Variants in ANKFN1 observed in about 807,000 individuals in gnomAD.
ANKFN1 encodes ankyrin repeat and fibronectin type-III domain-containing protein 1.
In ANKFN1, 74 loss-of-function variants were observed where a neutral mutation model predicts 108.7. The ratio of observed to expected loss-of-function variants is 0.68; its 90% CI spans 0.56 to 0.83. ANKFN1 has a LOEUF of 0.83. Ranked by LOEUF, ANKFN1 falls within the 40% of genes least tolerant of loss-of-function variation. ANKFN1 has a pLI of 0.00. For missense variants in ANKFN1, 1,505 were observed against 1,382.3 expected (o/e 1.09, Z -1.41); for synonymous variants, 547 against 516.2 (o/e 1.06, Z -0.81).
At chr17:56,147,238 C>A (rs111698280) in intron 4 of ANKFN1, among the ~76,000 whole-genome samples, 67 of 152,314 alleles carry the variant, frequency 4.4e-4, no homozygotes, top group African/African-American at 1.5e-3. Flanking sequence ...CTGTCTTCTT[C>A]TGAGCCTTCC....
intron 15 of ANKFN1, among the ~76,000 whole-genome samples, chr17:56,467,101 G>A (rs1326881831): frequency 3.9e-5 from 6 of 152,134 alleles, no homozygotes; most frequent in African/African-American, 1.2e-4. Context: ...GGACAACAGA[G>A]TAAGACTCTG....
At chr17:56,215,170 C>A (rs930170346) in intron 2 of ANKFN1, among the ~76,000 whole-genome samples, 6 of 152,198 alleles carry the variant, frequency 3.9e-5, no homozygotes, top group African/African-American at 1.4e-4. Context: ...TACAAGGAAG[C>A]TGTGTACTTT....
At chr17:56,381,402 G>A (rs1196751494) in intron 8 of ANKFN1, among the ~76,000 whole-genome samples, 1 of 152,194 alleles carries the variant, frequency 6.6e-6, no homozygotes, top group Non-Finnish European at 1.5e-5. Context: ...AAAGAACGCA[G>A]TTCCTCACCA....
In ANKFN1 at chr17:56,212,804, C is replaced by T. The variant is rs184804688; in HGVS notation, c.12+125C>T. Among the ~76,000 whole-genome samples the T allele has an allele frequency of 2.4e-3, 359 of 152,286 alleles. 3 individuals are homozygous for T. Among genetic ancestry groups the T allele is most frequent in the South Asian group, 6.4e-3 (31 of 4,826 alleles). On this transcript the variant is annotated intron_variant, in intron 2 of 20. Coordinates refer to ENST00000682825, the MANE Select transcript of ANKFN1 (RefSeq NM_001370326.1). ...ACTACACCCAAAGGCGCAAACCACT[C>T]GCTCTAGTTCTTTACCTTGCATGGA...
intron 3 of ANKFN1, among the ~76,000 whole-genome samples, chr17:56,292,920 T>G (rs754565521): frequency 1.3e-5 from 2 of 152,220 alleles, no homozygotes; most frequent in Non-Finnish European, 2.9e-5. Flanking sequence ...TCTTTCCAGC[T>G]GAAATCTAAT....
chr17:56,258,706 C>T (rs1246282121), intron 3 of ANKFN1, among the ~76,000 whole-genome samples: 6 of 152,166 alleles, frequency 3.9e-5, no homozygotes, highest in East Asian at 3.9e-4. Flanking sequence ...GTCAGGAGAT[C>T]GAGACCATCC....
chr17:56,466,191 G>T (rs910996294), intron 14 of ANKFN1, among the ~76,000 whole-genome samples, 165 bp from the exon 15 acceptor site: 17 of 151,392 alleles, frequency 1.1e-4, no homozygotes, highest in African/African-American at 4.1e-4. Context: ...CTTCTGTGAA[G>T]TACATGTCTA....
At chr17:56,280,605 T>G (rs1198509012) in intron 3 of ANKFN1, among the ~76,000 whole-genome samples, 1 of 152,140 alleles carries the variant, frequency 6.6e-6, no homozygotes, top group East Asian at 1.9e-4. Context: ...GACTCTATAA[T>G]TGCATGAGCC....
intron 9 of ANKFN1, 72 bp downstream of exon 9, chr17:56,440,496 T>A: frequency 8.2e-7 from 1 of 1,218,868 alleles, no homozygotes; most frequent in Non-Finnish European, 1.2e-6. Context: ...AGCAAATGTC[T>A]ATTCTGAAAG....
intron 8 of ANKFN1, among the ~76,000 whole-genome samples, chr17:56,401,904 C>T (rs1337939990): frequency 6.6e-6 from 1 of 151,986 alleles, no homozygotes; most frequent in Non-Finnish European, 1.5e-5. Flanking sequence ...AATCATAAAG[C>T]AATGCTGGAT....
intron 20 of ANKFN1, 125 bp downstream of exon 20, chr17:56,499,223 A>G (rs2051293046): frequency 3.5e-6 from 3 of 859,016 alleles, no homozygotes; most frequent in South Asian, 3.5e-5. Flanking sequence ...CTCAGGGGTA[A>G]GAGTCTAACA....
chr17:56,209,645 G>A (rs187245229), intron 1 of ANKFN1, among the ~76,000 whole-genome samples: 2 of 152,198 alleles, frequency 1.3e-5, no homozygotes, highest in African/African-American at 4.8e-5. Context: ...TAAGAAATAA[G>A]CTGTATTGTT....
chr17:56,048,445 C>A (rs1047043483), intron 4 of ANKFN1, among the ~76,000 whole-genome samples: 7 of 152,120 alleles, frequency 4.6e-5, no homozygotes, highest in African/African-American at 1.7e-4. Context: ...CAGATAAACA[C>A]CAATTATCTA....
At chr17:56,450,009 C>G (rs987801789) in intron 11 of ANKFN1, among the ~76,000 whole-genome samples, 1 of 152,158 alleles carries the variant, frequency 6.6e-6, no homozygotes, top group East Asian at 1.9e-4. Flanking sequence ...TGTAACGATT[C>G]GTGGAAGAGG....
At chr17:56,347,005 A>G (rs2046122712) in intron 4 of ANKFN1, among the ~76,000 whole-genome samples, 1 of 151,958 alleles carries the variant, frequency 6.6e-6, no homozygotes, top group Admixed American at 6.6e-5. Flanking sequence ...ATGAAAAGAC[A>G]ATATTAGGAC....
In ANKFN1 at chr17:56,121,445, A is replaced by G. The variant is rs186818410; in HGVS notation, c.288+75120A>G. 2.6e-5 allele frequency among the ~76,000 whole-genome samples: 4 copies of G among 151,922 alleles called. No homozygotes were observed. The East Asian group carries it at 7.7e-4, about 29-fold the overall frequency. ...TGTTTGCCTGTCTTTCATTTCTTAG[A>G]ATTTTACATCTGACAGCTTCTTAAA... On this transcript the variant is annotated intron_variant, in intron 4 of 12. Coordinates refer to the ANKFN1 transcript ENST00000635860.
intron 1 of ANKFN1, among the ~76,000 whole-genome samples, chr17:56,203,568 C>T (rs947854636): frequency 6.6e-6 from 1 of 152,196 alleles, no homozygotes; most frequent in African/African-American, 2.4e-5. Flanking sequence ...CATCTTGAGC[C>T]GGACTGGTTG....
chr17:56,181,990 C>T (rs1314361150), intron 1 of ANKFN1, among the ~76,000 whole-genome samples: 1 of 152,106 alleles, frequency 6.6e-6, no homozygotes, highest in Non-Finnish European at 1.5e-5. Flanking sequence ...TTTGATGTTA[C>T]CATTGTCATT....
intron 3 of ANKFN1, among the ~76,000 whole-genome samples, chr17:56,235,170 T>C (rs755796255): frequency 6.6e-6 from 1 of 152,218 alleles, no homozygotes; most frequent in Non-Finnish European, 1.5e-5. Flanking sequence ...TGTCTGTTCA[T>C]GTCCATTGCC....
Sources: gnomAD v4.1 joint callset for allele counts (sites outside exome capture counted in the v4.1 genomes callset) on GRCh38, gnomAD v4.1.1 for gene constraint, MANE v1.5 for transcripts, NCBI Gene and HGNC (gene_info 2026-07-23, HGNC 2026-07-21) for gene names.